The following ADAMTS18 variants were observed in gnomAD, a reference collection of about 807,000 sequenced individuals.
ADAMTS18 encodes the protein ADAM metallopeptidase with thrombospondin type 1 motif 18.
ADAMTS18 carries 157 observed loss-of-function variants against 165.9 expected under a neutral mutation model. That is an observed-to-expected ratio of 0.95 (90% CI 0.83 to 1.08). The LOEUF is 1.08. ADAMTS18 is among the 50% of genes least tolerant of loss of function. The pLI is 0.00. For synonymous variants in ADAMTS18, 782 were observed against 578.2 expected (o/e 1.35, Z -5.06); for missense variants, 2,040 against 1,534.0 (o/e 1.33, Z -5.51).
chr16:77,404,027 A>C (rs1294440272), intron 3 of ADAMTS18, among the ~76,000 whole-genome samples: 19 of 98,228 alleles, frequency 1.9e-4, no homozygotes, highest in African/African-American at 1.8e-4. Context: ...CTCCCTCCCT[A>C]CCGTCCTCCC....
chr16:77,329,551 A>C (rs1246942202), intron 12 of ADAMTS18, among the ~76,000 whole-genome samples: 2 of 151,902 alleles, frequency 1.3e-5, no homozygotes, highest in South Asian at 4.1e-4. Flanking sequence ...TCTAGGGCAG[A>C]GTCAGAATAA....
chr16:77,338,207 T>A (rs1397621945), intron 11 of ADAMTS18, among the ~76,000 whole-genome samples: 2 of 151,740 alleles, frequency 1.3e-5, no homozygotes, highest in Admixed American at 1.3e-4. Flanking sequence ...CCTGGCTCCA[T>A]CTTTTCATAC....
At chr16:77,337,831 A>G (rs1276079609) in intron 11 of ADAMTS18, among the ~76,000 whole-genome samples, 2 of 152,188 alleles carry the variant, frequency 1.3e-5, no homozygotes, top group Admixed American at 6.5e-5. Context: ...ATTCACATGA[A>G]TAGGTAAAAT....
chr16:77,310,036 T>C (rs1363803953), intron 16 of ADAMTS18, among the ~76,000 whole-genome samples: 3 of 152,164 alleles, frequency 2.0e-5, no homozygotes, highest in Non-Finnish European at 4.4e-5. Context: ...GATACAGTGG[T>C]TTTTAAAATG....
Position 77,282,130 on chromosome 16 carries a change from A to G in ADAMTS18, c.*1826T>C, listed in dbSNP as rs2055157221. On this transcript the variant is annotated 3_prime_UTR_variant, in exon 23 of 23. Transcript: ENST00000282849. ...TTATTCAAGAACTTAACAAGCTGTC[A>G]AAGATAAAGAAATGGAATACTTTAT... 1 of 152,146 alleles carries G rather than the reference A, an allele frequency of 6.6e-6. No individual in the cohort carries two copies. The highest frequency in any genetic ancestry group is 1.5e-5 in the Non-Finnish European group (1 of 68,022). 9.4% of individuals were successfully genotyped at this position (152,146 alleles called of 1,614,324 possible). A position where few individuals can be genotyped will look rare whatever the true frequency, so the allele number is the denominator to read the frequency against.
intron 13 of ADAMTS18, among the ~76,000 whole-genome samples, chr16:77,324,712 G>C (rs949757289): frequency 1.3e-5 from 2 of 152,202 alleles, no homozygotes; most frequent in African/African-American, 4.8e-5. Flanking sequence ...AGACAATATG[G>C]CTAGAATGTT....
At chr16:77,330,733 A>C (rs1040119574) in intron 12 of ADAMTS18, among the ~76,000 whole-genome samples, 20 of 152,336 alleles carry the variant, frequency 1.3e-4, no homozygotes, top group East Asian at 7.7e-4. Flanking sequence ...ACAAAAAAAA[A>C]CTGGTAAATC....
chr16:77,343,382 G>A (rs913437068), intron 10 of ADAMTS18, among the ~76,000 whole-genome samples: 1 of 152,178 alleles, frequency 6.6e-6, no homozygotes, highest in African/African-American at 2.4e-5. Context: ...CCTGATTTTA[G>A]CCCTTTCAAA....
Position 77,396,344 on chromosome 16 carries a change from T to C in ADAMTS18, c.496-28621A>G, listed in dbSNP as rs540370994. 1.8e-3 allele frequency among the ~76,000 whole-genome samples: 268 copies of C among 152,354 alleles called. 2 individuals are homozygous for C. The highest frequency in any genetic ancestry group is 2.9e-3 in the Non-Finnish European group (198 of 68,030). On this transcript the variant is annotated intron_variant, in intron 3 of 22. Transcript: ENST00000282849. ...ATATCAGCAGAAAGAAATTTATCAA[T>C]ATGGCTTCAAACTGCTGTAAATTTA...
Position 77,295,086 on chromosome 16 carries a change from G to C in ADAMTS18, c.2843C>G (p.Ala948Gly). 2 of 1,614,156 alleles carry C rather than the reference G, an allele frequency of 1.2e-6. No homozygotes were observed. Among genetic ancestry groups the C allele is most frequent in the Non-Finnish European group, 1.7e-6 (2 of 1,180,020 alleles). ...GATCTTTCGGCTCTGCTGGCCTCCA[G>C]CACAGGCCTTGCTGCATGTACTCCA... ...GEWSTCSKAC[A>G]GGQQSRKIQC... Residue 948 changes from alanine (A) to glycine (G), a missense_variant, in exon 19 of 23, where the codon GCT (alanine) becomes GGT (glycine). Physicochemically the swap from Ala to Gly is moderately conservative, Grantham distance 60. Transcript: ENST00000282849.
chr16:77,402,923 C>G (rs777119676), intron 3 of ADAMTS18, among the ~76,000 whole-genome samples: 1 of 152,186 alleles, frequency 6.6e-6, no homozygotes, highest in Non-Finnish European at 1.5e-5. Context: ...GAAACACAAC[C>G]TCTCTCAAAT....
chr16:77,309,843 G>A (rs762938147), intron 16 of ADAMTS18, among the ~76,000 whole-genome samples: 13 of 152,160 alleles, frequency 8.5e-5, no homozygotes, highest in Non-Finnish European at 1.3e-4. Context: ...TAAGTCCACT[G>A]TGAACTAACT....
rs548859798 is a variant in ADAMTS18 at position 77,291,208 on chromosome 16, C to T, written c.3402+58G>A. ...AGACTAAGAGCAACTGTTTGCAGAA[C>T]GCCTCATTTTTCGACATCTCACTTG... On this transcript the variant is annotated intron_variant, in intron 21 of 22. Coordinates refer to ENST00000282849, the MANE Select transcript of ADAMTS18 (RefSeq NM_199355.4). 2.3e-4 allele frequency: 356 copies of T among 1,570,160 alleles called. No homozygotes were observed. The African/African-American group carries it at 2.7e-3, about 12-fold the overall frequency.
intron 3 of ADAMTS18, among the ~76,000 whole-genome samples, chr16:77,373,188 C>A (rs376043683): frequency 1.3e-5 from 2 of 152,050 alleles, no homozygotes. Flanking sequence ...TACTCACGAC[C>A]CTATTGAAAA....
In ADAMTS18 at chr16:77,434,652, C is replaced by G; in HGVS notation, c.44G>C (p.Gly15Ala). The G allele has an allele frequency of 6.8e-7, 1 of 1,480,430 alleles. No homozygotes were observed. The highest frequency in any genetic ancestry group is 2.9e-5 in the East Asian group (1 of 34,660). 91.7% of individuals were successfully genotyped at this position (1,480,430 alleles called of 1,614,324 possible). A position where few individuals can be genotyped will look rare whatever the true frequency, so the allele number is the denominator to read the frequency against. The change falls in exon 1 of 23, where the codon GGT (glycine) becomes GCT (alanine). Residue 15 changes from glycine to alanine, a missense_variant. Transcript: ENST00000282849. ...CGCCAGGCCCCTCGGCGGGCCCGAA[C>G]CCGCAGCCGGGAAGGCACACGCGAG... is the stretch of plus-strand genomic sequence containing the variant. ...LLLACAFPAA[G>A]SGPPRGLAGL... is the part of the protein sequence containing the mutation.
chr16:77,322,641 G>A (rs2056023835), intron 13 of ADAMTS18, among the ~76,000 whole-genome samples, 175 bp from the exon 14 acceptor site: 2 of 152,162 alleles, frequency 1.3e-5, no homozygotes, highest in Non-Finnish European at 2.9e-5. Context: ...TGAGTCCCAT[G>A]TAACAATCCA....
At chr16:77,352,206 A>G (rs2056566088) in intron 10 of ADAMTS18, among the ~76,000 whole-genome samples, 1 of 152,236 alleles carries the variant, frequency 6.6e-6, no homozygotes, top group Middle Eastern at 3.2e-3. Context: ...GATTTGATGA[A>G]TATTATTTCT....
chr16:77,344,384 T>G (rs950384346), intron 10 of ADAMTS18, among the ~76,000 whole-genome samples: 1 of 151,886 alleles, frequency 6.6e-6, no homozygotes, highest in African/African-American at 2.4e-5. Flanking sequence ...GCAGAAAGCA[T>G]GAGGCAGCCT....
At chr16:77,334,760 ATACAGTATATATAC>A (rs1307525560) in intron 12 of ADAMTS18, among the ~76,000 whole-genome samples, 11 of 106,408 alleles carry the variant, frequency 1.0e-4, no homozygotes, top group African/African-American at 3.5e-4. Flanking sequence ...ATACTATAGT[ATACAGTATATATAC>A]TATAGTATAC....
Sources: allele counts gnomAD v4.1 joint callset (sites outside exome capture counted in the v4.1 genomes callset), GRCh38; gene constraint gnomAD v4.1.1; transcripts MANE v1.5; gene names NCBI Gene and HGNC (gene_info 2026-07-23, HGNC 2026-07-21).